ADGRL4: variants seen among roughly 807,000 people sequenced by gnomAD.
The protein encoded by ADGRL4 is adhesion G protein-coupled receptor L4.
ADGRL4 carries 90 observed loss-of-function variants against 74.8 expected under a neutral mutation model. The observed-to-expected ratio is 1.20, with a 90% CI of 1.02 to 1.43. The LOEUF (loss-of-function observed/expected upper bound fraction) is 1.43. Ranked by LOEUF, ADGRL4 falls within the 40% of genes most tolerant of loss-of-function variation. ADGRL4 has a pLI of 0.00. For synonymous variants in ADGRL4, 311 were observed against 279.2 expected (o/e 1.11, Z -1.14); for missense variants, 881 against 814.3 (o/e 1.08, Z -1.00).
At chr1:78,910,433 A>T (rs1359286098) in intron 12 of ADGRL4, among the ~76,000 whole-genome samples, 1 of 151,824 alleles carries the variant, frequency 6.6e-6, no homozygotes, top group Non-Finnish European at 1.5e-5. Context: ...CATAATTATG[A>T]GAGTTTTGAT....
At chr1:78,902,523 C>T (rs1648541833) in intron 12 of ADGRL4, among the ~76,000 whole-genome samples, 1 of 152,116 alleles carries the variant, frequency 6.6e-6, no homozygotes, top group South Asian at 2.1e-4. Flanking sequence ...AGCCAATATT[C>T]ATACCTAGTA....
At chr1:78,962,683 T>C (rs1405453865) in intron 2 of ADGRL4, among the ~76,000 whole-genome samples, 2 of 152,168 alleles carry the variant, frequency 1.3e-5, no homozygotes, top group African/African-American at 4.8e-5. Context: ...GTTTCATATA[T>C]AGAGATGAAA....
intron 2 of ADGRL4, among the ~76,000 whole-genome samples, chr1:78,979,854 G>A (rs1570269008): frequency 6.6e-6 from 1 of 151,838 alleles, no homozygotes. Flanking sequence ...CTATGAGGAC[G>A]CAAAGGCATA....
intron 7 of ADGRL4, among the ~76,000 whole-genome samples, chr1:78,928,913 T>A (rs5028698): frequency 0.6 from 91,346 of 151,046 alleles, 28,426 homozygotes; most frequent in East Asian, 0.7. Flanking sequence ...TAAATTCCCA[T>A]ATCAATTTTA....
chr1:78,950,015 A>C (rs1185707059), intron 2 of ADGRL4, among the ~76,000 whole-genome samples: 1 of 152,182 alleles, frequency 6.6e-6, no homozygotes, highest in African/African-American at 2.4e-5. Context: ...CTACTGGAGA[A>C]GATGTACCAA....
chr1:78,905,346 A>G (rs1648614045), intron 12 of ADGRL4, among the ~76,000 whole-genome samples: 2 of 152,074 alleles, frequency 1.3e-5, no homozygotes, highest in South Asian at 4.1e-4. Flanking sequence ...GTGACCCATA[A>G]AGTACCCAGA....
At position 78,927,086 on chromosome 1, in the gene ADGRL4, C is replaced by A. The variant is rs773556383; in HGVS notation, c.883G>T (p.Val295Phe). The A allele has an allele frequency of 3.8e-6, 6 of 1,564,912 alleles. No individual in the cohort carries two copies. In the Admixed American group the frequency reaches 1.0e-4, roughly 26 times the overall value. Residue 295 changes from valine to phenylalanine, a missense_variant, in exon 8 of 15, where the codon GTT becomes TTT. By Grantham distance (50) the Val-to-Phe change is conservative (BLOSUM62 -1). Coordinates refer to ENST00000370742, the MANE Select transcript of ADGRL4 (RefSeq NM_022159.4). ...TTATAATATACAAATGCAACTGCAA[C>A]ATTGCCTATCAATCAAATAAGTATA... ...RKAAYDSNGN[V>F]AVAFVYYKSI...
At chr1:78,962,158 G>A (rs1029280531) in intron 2 of ADGRL4, among the ~76,000 whole-genome samples, 2 of 152,162 alleles carry the variant, frequency 1.3e-5, no homozygotes, top group Non-Finnish European at 2.9e-5. Flanking sequence ...TGGGATTACA[G>A]GCATGAGCCA....
chr1:78,976,203 G>A (rs2100721847), intron 2 of ADGRL4, among the ~76,000 whole-genome samples: 1 of 151,964 alleles, frequency 6.6e-6, no homozygotes, highest in African/African-American at 2.4e-5. Flanking sequence ...TAACTGCAGA[G>A]GTCCCCTTGT....
chr1:78,974,183 T>A (rs988810037), intron 2 of ADGRL4, among the ~76,000 whole-genome samples: 1 of 152,158 alleles, frequency 6.6e-6, no homozygotes, highest in Non-Finnish European at 1.5e-5. Context: ...TTAATTTCTA[T>A]GCTTGGAGTG....
At chr1:78,905,068 T>C (rs558560162) in intron 12 of ADGRL4, among the ~76,000 whole-genome samples, 13 of 152,198 alleles carry the variant, frequency 8.5e-5, no homozygotes, top group African/African-American at 2.9e-4. Context: ...CCAGAACTTA[T>C]ATTTGTCTGT....
chr1:78,930,366 G>A (rs925899406), intron 7 of ADGRL4, among the ~76,000 whole-genome samples: 7 of 150,618 alleles, frequency 4.6e-5, no homozygotes, highest in African/African-American at 1.7e-4. Flanking sequence ...TTTTCTAAAT[G>A]CATTGCACTA....
At chr1:78,994,287 A>T (rs1557524229) in intron 2 of ADGRL4, among the ~76,000 whole-genome samples, 1 of 152,194 alleles carries the variant, frequency 6.6e-6, no homozygotes, top group Admixed American at 6.5e-5. Context: ...ATGGGATTAC[A>T]TCTGAAGTAA....
At chr1:78,930,651 A>G (rs1163759544) in intron 7 of ADGRL4, among the ~76,000 whole-genome samples, 1 of 150,896 alleles carries the variant, frequency 6.6e-6, no homozygotes, top group African/African-American at 2.5e-5. Flanking sequence ...GGGTTTCACC[A>G]TCCTGGCCAG....
intron 8 of ADGRL4, among the ~76,000 whole-genome samples, chr1:78,926,376 TGA>T (rs200122234): frequency 0.013 from 1,911 of 152,104 alleles, 51 homozygotes; most frequent in African/African-American, 0.044. Context: ...TAATTATGTA[TGA>T]GTCTGAAAAA....
At position 78,917,781 on chromosome 1, in the gene ADGRL4, G is replaced by A. The variant is rs1390192719; in HGVS notation, c.1682+49C>T. ...AGCAAAATTATCAAAGAAATGCAAAGCACATTCAAAATCGTATTTCAAATG... is the reference window on the plus strand; with the variant it reads ...AGCAAAATTATCAAAGAAATGCAAAACACATTCAAAATCGTATTTCAAATG... On this transcript the variant is annotated intron_variant, in intron 11 of 14. Transcript: ENST00000370742. 4 of 1,585,032 alleles carry A rather than the reference G, an allele frequency of 2.5e-6. No individual in the cohort carries two copies. The East Asian group carries it at 6.7e-5, about 27-fold the overall frequency.
chr1:78,926,955 G>C lies in ADGRL4; in HGVS notation c.1014C>G (p.Val338=), dbSNP rs769203185. ...ATGTGGGTGGGTTTGAGCTCATTGA[G>C]ACTGAAATTACTGAAGATATGACTC... ...EERVISSVIS[V]SMSSNPPTLY... is the part of the protein sequence containing the mutation. The change falls in exon 8 of 15, where the codon GTC becomes GTG. Residue 338 remains valine (V), a synonymous_variant. Coordinates refer to ENST00000370742, the MANE Select transcript of ADGRL4 (RefSeq NM_022159.4). 6.9e-5 allele frequency: 111 copies of C among 1,612,204 alleles called. 1 individual carries two copies. In the South Asian group the frequency reaches 1.2e-3, roughly 17 times the overall value.
intron 2 of ADGRL4, among the ~76,000 whole-genome samples, chr1:78,960,253 C>T (rs1649922943): frequency 2.0e-5 from 3 of 151,818 alleles, no homozygotes. Context: ...TTAAATTTTG[C>T]AAAAACTAGT....
intron 2 of ADGRL4, among the ~76,000 whole-genome samples, chr1:79,004,127 T>C (rs1189061515): frequency 1.3e-5 from 2 of 152,104 alleles, no homozygotes; most frequent in African/African-American, 4.8e-5. Context: ...ACATGCAATA[T>C]TAACAATATA....
Sources: allele counts gnomAD v4.1 joint callset (sites outside exome capture counted in the v4.1 genomes callset), GRCh38; gene constraint gnomAD v4.1.1; transcripts MANE v1.5; gene names NCBI Gene and HGNC (gene_info 2026-07-23, HGNC 2026-07-21).